XYLT1: variants seen among roughly 807,000 people sequenced by gnomAD.
The protein encoded by XYLT1 is beta-D-xylosyltransferase 1.
Under a neutral mutation model 91.3 loss-of-function variants are expected in XYLT1, and 36 were observed. The observed-to-expected ratio is 0.39, with a 90% CI of 0.30 to 0.52. XYLT1 has a LOEUF of 0.52. XYLT1 is among the 20% of genes least tolerant of loss of function. The pLI is 0.68. For synonymous variants in XYLT1, 588 were observed against 532.0 expected (o/e 1.11, Z -1.45); for missense variants, 1,242 against 1,284.5 (o/e 0.97, Z 0.51).
At chr16:17,109,802 G>A (rs1050471832) in intron 11 of XYLT1, among the ~76,000 whole-genome samples, 3 of 152,212 alleles carry the variant, frequency 2.0e-5, no homozygotes, top group Admixed American at 6.5e-5. Flanking sequence ...ACAGTGACCT[G>A]TACCCAGGTC....
At chr16:17,197,464 T>C (rs553643755) in intron 5 of XYLT1, among the ~76,000 whole-genome samples, 5 of 152,342 alleles carry the variant, frequency 3.3e-5, no homozygotes, top group Admixed American at 6.5e-5. Flanking sequence ...ATGGTTACTA[T>C]TGAGTGTCAA....
intron 3 of XYLT1, among the ~76,000 whole-genome samples, chr16:17,216,880 A>C (rs1324049803): frequency 6.6e-6 from 1 of 152,202 alleles, no homozygotes; most frequent in Non-Finnish European, 1.5e-5. Context: ...CGTCAAGCCT[A>C]CTGCTAATGA....
chr16:17,306,465 G>C (rs557350863), intron 2 of XYLT1, among the ~76,000 whole-genome samples: 1 of 152,176 alleles, frequency 6.6e-6, no homozygotes, highest in African/African-American at 2.4e-5. Flanking sequence ...TGAGGCAGGA[G>C]AATGGCTTGA....
At chr16:17,115,483 CT>C (rs58467134) in intron 11 of XYLT1, among the ~76,000 whole-genome samples, 121,452 of 137,774 alleles carry the variant, frequency 0.88, 54,296 homozygotes, top group Non-Finnish European at 0.96. Context: ...GACCTAAATT[CT>C]TTTTTTTTTT....
chr16:17,207,562 C>A (rs2032675695), intron 3 of XYLT1, among the ~76,000 whole-genome samples: 1 of 152,222 alleles, frequency 6.6e-6, no homozygotes. Context: ...GATGAGGGGG[C>A]AAAGTTGAAG....
chr16:17,319,347 C>CAGG (rs1243841375), intron 2 of XYLT1, among the ~76,000 whole-genome samples: 1 of 152,154 alleles, frequency 6.6e-6, no homozygotes, highest in Non-Finnish European at 1.5e-5. Context: ...AAGAGCATGA[C>CAGG]AGGAAGGGTC....
At chr16:17,320,860 T>C (rs2034708333) in intron 2 of XYLT1, among the ~76,000 whole-genome samples, 1 of 151,352 alleles carries the variant, frequency 6.6e-6, no homozygotes, top group African/African-American at 2.4e-5. Context: ...AGTTCCTGAC[T>C]CATAGAATTG....
chr16:17,198,225 C>T lies in XYLT1; in HGVS notation c.1276G>A (p.Asp426Asn), dbSNP rs1193112792. 5 of 1,613,992 alleles carry T rather than the reference C, an allele frequency of 3.1e-6. No homozygotes were observed. Among genetic ancestry groups the T allele is most frequent in the African/African-American group, 1.3e-5 (1 of 74,914 alleles). The change falls in exon 5 of 12, where the codon GAC becomes AAC. Residue 426 changes from aspartate to asparagine, a missense_variant. Transcript: ENST00000261381. Reference protein sequence around the residue: ...WDFFINLSAADYPIRTNDQLV... With the variant: ...WDFFINLSAANYPIRTNDQLV... ...TGGCTGCCTTACCTGATGGGGTAGT[C>T]GGCCGCACTCAGGTTGATGAAGAAG... is the stretch of plus-strand genomic sequence containing the variant.
chr16:17,345,505 G>A (rs947132818), intron 2 of XYLT1, among the ~76,000 whole-genome samples: 1 of 152,224 alleles, frequency 6.6e-6, no homozygotes. Flanking sequence ...ACTTCCACAA[G>A]AGAGAAAAGG....
intron 3 of XYLT1, among the ~76,000 whole-genome samples, chr16:17,210,325 C>T (rs1289806726): frequency 6.6e-6 from 1 of 152,084 alleles, no homozygotes; most frequent in African/African-American, 2.4e-5. Context: ...TGGTGAAACC[C>T]CGTTTCTACT....
intron 1 of XYLT1, among the ~76,000 whole-genome samples, chr16:17,401,044 T>C (rs1247332553): frequency 6.6e-6 from 1 of 151,938 alleles, no homozygotes; most frequent in African/African-American, 2.4e-5. Flanking sequence ...TCAGAGTCAA[T>C]TCTTTAACAT....
intron 5 of XYLT1, among the ~76,000 whole-genome samples, chr16:17,196,554 A>G (rs1260406323): frequency 1.3e-5 from 2 of 152,196 alleles, no homozygotes; most frequent in African/African-American, 2.4e-5. Flanking sequence ...AGTTCATTAC[A>G]CTATTCTCTT....
intron 3 of XYLT1, among the ~76,000 whole-genome samples, chr16:17,239,313 T>TCCA (rs2033300368): frequency 8.4e-6 from 1 of 118,968 alleles, no homozygotes; most frequent in Non-Finnish European, 1.9e-5. Context: ...ATCCAGTCCA[T>TCCA]TCATCCATCC....
At chr16:17,390,498 T>G (rs2035803367) in intron 1 of XYLT1, among the ~76,000 whole-genome samples, 1 of 152,020 alleles carries the variant, frequency 6.6e-6, no homozygotes, top group Non-Finnish European at 1.5e-5. Context: ...GTCAACAGAG[T>G]CTGTCCAGAA....
At chr16:17,224,937 C>A (rs1442643273) in intron 3 of XYLT1, among the ~76,000 whole-genome samples, 2 of 152,096 alleles carry the variant, frequency 1.3e-5, no homozygotes, top group Non-Finnish European at 2.9e-5. Context: ...AGAAGGCAGC[C>A]ACAGACAAGA....
At chr16:17,366,061 C>CTTTTTTT (rs11398471) in intron 1 of XYLT1, among the ~76,000 whole-genome samples, 1 of 128,674 alleles carries the variant, frequency 7.8e-6, no homozygotes, top group African/African-American at 2.9e-5. Context: ...AGCTGGTTTG[C>CTTTTTTT]TTTTTTTTTT....
chr16:17,138,185 G>C, intron 8 of XYLT1, 170 bp downstream of exon 8: 1 of 724,320 alleles, frequency 1.4e-6, no homozygotes, highest in Non-Finnish European at 2.2e-6. Flanking sequence ...CCTGAAGTAA[G>C]TGCTCAATAA....
intron 10 of XYLT1, among the ~76,000 whole-genome samples, chr16:17,124,738 TAA>T (rs2030196534): frequency 6.6e-6 from 1 of 152,250 alleles, no homozygotes; most frequent in Admixed American, 6.5e-5. Flanking sequence ...CAATTATTCT[TAA>T]GTTTGGTTGT....
chr16:17,347,769 A>G (rs180782443), intron 2 of XYLT1, among the ~76,000 whole-genome samples: 124 of 152,286 alleles, frequency 8.1e-4, no homozygotes, highest in African/African-American at 2.8e-3. Flanking sequence ...AAGGAAAGAG[A>G]TGTTACTCTC....
Sources: gnomAD v4.1 joint callset for allele counts (sites outside exome capture counted in the v4.1 genomes callset) on GRCh38, gnomAD v4.1.1 for gene constraint, MANE v1.5 for transcripts, NCBI Gene and HGNC (gene_info 2026-07-23, HGNC 2026-07-21) for gene names.